The following DENND1B variants were observed in gnomAD, a reference collection of about 807,000 sequenced individuals.
DENND1B encodes the protein DENN domain containing 1B, also known as DENN domain-containing protein 1B.
A neutral mutation model predicts 90.1 loss-of-function variants in DENND1B; 59 were observed. That is an observed-to-expected ratio of 0.65 (90% CI 0.53 to 0.81). The LOEUF (loss-of-function observed/expected upper bound fraction) is 0.81. Among genes scored for constraint, DENND1B ranks in the 40% least tolerant of loss-of-function variants. The probability of loss-of-function intolerance (pLI) is 0.00; values close to 1 mark genes in which losing one functional copy is unlikely to be tolerated. For missense variants in DENND1B, 862 were observed against 912.6 expected (o/e 0.94, Z 0.71); for synonymous variants, 337 against 324.6 (o/e 1.04, Z -0.41).
intron 2 of DENND1B, among the ~76,000 whole-genome samples, chr1:197,760,787 A>G (rs1654944671): frequency 6.6e-6 from 1 of 152,172 alleles, no homozygotes; most frequent in African/African-American, 2.4e-5. Flanking sequence ...GAACAATGAC[A>G]TCTTAAACAT....
intron 20 of DENND1B, among the ~76,000 whole-genome samples, chr1:197,537,841 T>C (rs898696531): frequency 3.9e-5 from 6 of 152,048 alleles, no homozygotes; most frequent in Admixed American, 6.5e-5. Context: ...ATATAATTAA[T>C]AACAGAGTAC....
chr1:197,626,280 C>A (rs1678711820), intron 10 of DENND1B, among the ~76,000 whole-genome samples: 1 of 152,096 alleles, frequency 6.6e-6, no homozygotes, highest in Admixed American at 6.6e-5. Context: ...AAGTAAAGCT[C>A]TCCTCAGCAA....
At chr1:197,760,996 A>G (rs1352107947) in intron 2 of DENND1B, among the ~76,000 whole-genome samples, 2 of 152,194 alleles carry the variant, frequency 1.3e-5, no homozygotes, top group African/African-American at 4.8e-5. Context: ...TTCTTAGCTT[A>G]TTATTTCTTC....
At chr1:197,707,511 A>G (rs938759119) in intron 3 of DENND1B, among the ~76,000 whole-genome samples, 2 of 150,636 alleles carry the variant, frequency 1.3e-5, no homozygotes, top group African/African-American at 2.4e-5. Context: ...GTATACATGT[A>G]TCAAAATATC....
intron 3 of DENND1B, among the ~76,000 whole-genome samples, chr1:197,678,938 T>C (rs1439612050): frequency 6.6e-6 from 1 of 152,126 alleles, no homozygotes. Context: ...GGATTTTACT[T>C]TTACGTAGTG....
chr1:197,775,308 G>A lies in DENND1B; in HGVS notation c.-153C>T, dbSNP rs1657180290. On this transcript the variant is annotated 5_prime_UTR_variant, in exon 1 of 23. Coordinates refer to ENST00000620048, the MANE Select transcript of DENND1B (RefSeq NM_001195215.2). ...ACAGCAGCCGTGGCGGCGGGCCCAT[G>A]TCGGCTGCGCCCCCGGCACTTCCCC... 6.1e-6 allele frequency: 3 copies of A among 494,458 alleles called. No individual in the cohort carries two copies. The African/African-American group carries it at 6.1e-5, about 10-fold the overall frequency. 30.6% of individuals were successfully genotyped at this position (494,458 alleles called of 1,614,324 possible).
Position 197,520,448 on chromosome 1 carries a change from T to G in DENND1B, c.1516-7495A>C, listed in dbSNP as rs572883488. 4.6e-5 allele frequency among the ~76,000 whole-genome samples: 7 copies of G among 152,108 alleles called. No individual in the cohort carries two copies. The East Asian group carries it at 1.4e-3, about 29-fold the overall frequency. ...AATGACCATTAATACTGATAAGTAG[T>G]GTCAAATTGTTGATGTTCCTAAATA... On this transcript the variant is annotated intron_variant, in intron 20 of 22. Transcript: ENST00000620048.
At chr1:197,646,195 C>T (rs11809987) in intron 8 of DENND1B, among the ~76,000 whole-genome samples, 3,779 of 151,932 alleles carry the variant, frequency 0.025, 162 homozygotes, top group African/African-American at 0.085. Context: ...TCAAAATCTA[C>T]TAAGATTCCT....
At chr1:197,576,731 T>A (rs919884711) in intron 15 of DENND1B, among the ~76,000 whole-genome samples, 3 of 152,118 alleles carry the variant, frequency 2.0e-5, no homozygotes, top group Non-Finnish European at 4.4e-5. Context: ...TGGGGGGCAC[T>A]TTTTTGGATA....
intron 15 of DENND1B, among the ~76,000 whole-genome samples, chr1:197,581,410 A>G (rs988498832): frequency 6.6e-6 from 1 of 152,164 alleles, no homozygotes; most frequent in Admixed American, 6.5e-5. Context: ...TGTATTTTTT[A>G]AAAGTCCTAC....
rs115652996 is a variant in DENND1B at position 197,516,754 on chromosome 1, C to G, written c.1516-3801G>C. On this transcript the variant is annotated intron_variant, in intron 20 of 22. Coordinates refer to ENST00000620048, the MANE Select transcript of DENND1B (RefSeq NM_001195215.2). ...CCAGCCAGTAACAGTACATCTTCAT[C>G]TAGGTTAACAAATCACAGACATATC... Among the ~76,000 whole-genome samples the G allele has an allele frequency of 6.0e-3, 916 of 151,806 alleles. 3 individuals are homozygous for G. The highest frequency in any genetic ancestry group is 0.021 in the African/African-American group (883 of 41,450).
At chr1:197,543,138 T>A (rs968910847) in intron 18 of DENND1B, among the ~76,000 whole-genome samples, 12 of 152,130 alleles carry the variant, frequency 7.9e-5, no homozygotes, top group Non-Finnish European at 1.3e-4. Flanking sequence ...TTTCACCATG[T>A]TGGCCAGGCT....
At chr1:197,630,767 G>A (rs886398089) in intron 10 of DENND1B, among the ~76,000 whole-genome samples, 2 of 152,068 alleles carry the variant, frequency 1.3e-5, no homozygotes, top group African/African-American at 4.8e-5. Flanking sequence ...GCAAAGTTAA[G>A]TCAATTGCCC....
chr1:197,545,234 G>A (rs561716968), intron 18 of DENND1B, among the ~76,000 whole-genome samples: 3 of 151,938 alleles, frequency 2.0e-5, no homozygotes, highest in East Asian at 2.0e-4. Flanking sequence ...ATGAAACCCC[G>A]TTTCTACTAA....
intron 17 of DENND1B, 113 bp downstream of exon 17, chr1:197,546,620 C>T (rs1275902847): frequency 2.1e-6 from 2 of 933,516 alleles, no homozygotes; most frequent in African/African-American, 1.8e-5. Flanking sequence ...ACAAAATATA[C>T]AAACATTTCA....
rs377655031 is a variant in DENND1B, at chr1:197,525,227, A to G, written c.1516-12274T>C. 9.9e-5 allele frequency among the ~76,000 whole-genome samples: 15 copies of G among 152,206 alleles called. No individual in the cohort carries two copies. In the East Asian group the frequency reaches 2.3e-3, roughly 23 times the overall value. The stretch of plus-strand genomic sequence containing the variant: ...TGCCAAGTAATTATATCAATTTTAA[A>G]TTTTTAAAATACATTGTTTCATTAT... On this transcript the variant is annotated intron_variant, in intron 20 of 22. Coordinates refer to ENST00000620048, the MANE Select transcript of DENND1B (RefSeq NM_001195215.2).
chr1:197,572,219 T>C (rs1033060518), intron 15 of DENND1B, among the ~76,000 whole-genome samples: 1 of 152,162 alleles, frequency 6.6e-6, no homozygotes, highest in East Asian at 1.9e-4. Flanking sequence ...GCCCAAATAC[T>C]GCGCTTTTCC....
At chr1:197,525,746 G>GT (rs1444651076) in intron 20 of DENND1B, among the ~76,000 whole-genome samples, 2 of 152,004 alleles carry the variant, frequency 1.3e-5, no homozygotes, top group African/African-American at 2.4e-5. Context: ...ACATAAATGT[G>GT]TATGTGTGGA....
chr1:197,675,832 C>A (rs1340117296), intron 3 of DENND1B, among the ~76,000 whole-genome samples: 1 of 152,064 alleles, frequency 6.6e-6, no homozygotes, highest in Admixed American at 6.6e-5. Context: ...TCTAAATACA[C>A]AAATTAGTAA....
Sources: allele counts gnomAD v4.1 joint callset (sites outside exome capture counted in the v4.1 genomes callset), GRCh38; gene constraint gnomAD v4.1.1; transcripts MANE v1.5; gene names NCBI Gene and HGNC (gene_info 2026-07-23, HGNC 2026-07-21).